CNTNAP2: variants seen among roughly 807,000 people sequenced by gnomAD.
The protein encoded by CNTNAP2 is contactin associated protein 2, also known as contactin-associated protein-like 2.
Under a neutral mutation model 155.2 loss-of-function variants are expected in CNTNAP2, and 98 were observed. The observed-to-expected ratio is 0.63, with a 90% confidence interval of 0.54 to 0.75. CNTNAP2 has a LOEUF of 0.75. CNTNAP2 is among the 30% of genes least tolerant of loss of function. The pLI, the probability that CNTNAP2 is intolerant of heterozygous loss-of-function variation, is 0.00. For synonymous variants in CNTNAP2, 651 were observed against 631.2 expected (o/e 1.03, Z -0.47); for missense variants, 1,727 against 1,688.1 (o/e 1.02, Z -0.40).
chr7:147,648,488 A>T (rs1454600051), intron 13 of CNTNAP2, among the ~76,000 whole-genome samples: 1 of 152,252 alleles, frequency 6.6e-6, no homozygotes, highest in Non-Finnish European at 1.5e-5. Flanking sequence ...GCTGATAAAG[A>T]CATACCTGAG....
At chr7:147,724,317 G>A (rs559458797) in intron 13 of CNTNAP2, among the ~76,000 whole-genome samples, 6 of 152,062 alleles carry the variant, frequency 3.9e-5, no homozygotes, top group South Asian at 2.1e-4. Context: ...GAGTCCTAGA[G>A]GAATTATTAG....
At chr7:146,252,669 G>A (rs891257864) in intron 1 of CNTNAP2, among the ~76,000 whole-genome samples, 5 of 152,062 alleles carry the variant, frequency 3.3e-5, no homozygotes, top group Admixed American at 6.6e-5. Flanking sequence ...CAAAATATTC[G>A]CCCCTTTTCA....
In CNTNAP2 at chr7:146,433,072, C is replaced by T. The variant is rs536407480; in HGVS notation, c.97+316099C>T. On this transcript the variant is annotated intron_variant, in intron 1 of 23. Transcript: ENST00000361727. ...TCCTCCTAAACTAAGAAGTGTCTCG[C>T]ATTTCCAAACCGTCAGTACTCTATT... is the stretch of plus-strand genomic sequence containing the variant. 1.9e-3 allele frequency among the ~76,000 whole-genome samples: 284 copies of T among 152,250 alleles called. 1 individual carries two copies. The highest frequency in any genetic ancestry group is 6.5e-3 in the African/African-American group (271 of 41,536).
chr7:146,631,950 T>C (rs931344313), intron 1 of CNTNAP2, among the ~76,000 whole-genome samples: 10 of 84,000 alleles, frequency 1.2e-4, no homozygotes, highest in African/African-American at 7.3e-4. Flanking sequence ...TAAAATTTAC[T>C]TTTTAAGATA....
intron 10 of CNTNAP2, among the ~76,000 whole-genome samples, chr7:147,408,234 A>G (rs1459470732): frequency 6.6e-6 from 1 of 152,228 alleles, no homozygotes; most frequent in Non-Finnish European, 1.5e-5. Context: ...AAATCAAAGT[A>G]TGCACAAGGG....
At chr7:147,863,622 C>A (rs980561644) in intron 13 of CNTNAP2, among the ~76,000 whole-genome samples, 15 of 152,158 alleles carry the variant, frequency 9.9e-5, no homozygotes, top group Admixed American at 5.9e-4. Flanking sequence ...GATCACCATT[C>A]TAACTGGTGT....
At chr7:147,949,297 C>G (rs932392995) in intron 14 of CNTNAP2, among the ~76,000 whole-genome samples, 2 of 151,768 alleles carry the variant, frequency 1.3e-5, no homozygotes, top group African/African-American at 4.8e-5. Context: ...AAGTCTTCAT[C>G]CTTCCTGTCT....
intron 1 of CNTNAP2, among the ~76,000 whole-genome samples, chr7:146,664,157 CTTTTTTTTTTTTT>C (rs35241151): frequency 1.5e-5 from 1 of 68,454 alleles, no homozygotes; most frequent in East Asian, 4.2e-4. Context: ...CAATAAATTC[CTTTTTTTTTTTTT>C]TTTTTTTTTT....
At chr7:147,030,382 AGATG>A (rs1799006577) in intron 3 of CNTNAP2, among the ~76,000 whole-genome samples, 1 of 152,222 alleles carries the variant, frequency 6.6e-6, no homozygotes, top group Non-Finnish European at 1.5e-5. Context: ...ATTTTATTTA[AGATG>A]AGCCTTGAAA....
At chr7:146,714,897 G>A (rs1801160367) in intron 1 of CNTNAP2, among the ~76,000 whole-genome samples, 1 of 152,174 alleles carries the variant, frequency 6.6e-6, no homozygotes, top group Admixed American at 6.5e-5. Context: ...TGGGTTACCA[G>A]AGGTTAGGCG....
At chr7:146,876,018 C>T (rs1349204464) in intron 3 of CNTNAP2, among the ~76,000 whole-genome samples, 1 of 149,390 alleles carries the variant, frequency 6.7e-6, no homozygotes, top group Non-Finnish European at 1.5e-5. Flanking sequence ...GCAGGAGTTG[C>T]AGTACAGCTC....
intron 13 of CNTNAP2, among the ~76,000 whole-genome samples, chr7:147,650,084 C>T (rs984706639): frequency 2.0e-5 from 3 of 151,798 alleles, no homozygotes; most frequent in Non-Finnish European, 4.4e-5. Context: ...TAATTTTTTC[C>T]AGTTCATATA....
At chr7:147,847,856 G>C (rs1056756007) in intron 13 of CNTNAP2, among the ~76,000 whole-genome samples, 1 of 103,952 alleles carries the variant, frequency 9.6e-6, no homozygotes, top group Non-Finnish European at 1.9e-5. Flanking sequence ...ATACCCTGCC[G>C]TGTGAGGTGT....
At chr7:147,644,064 C>G (rs1362809243) in intron 13 of CNTNAP2, among the ~76,000 whole-genome samples, 2 of 152,084 alleles carry the variant, frequency 1.3e-5, no homozygotes, top group African/African-American at 4.8e-5. Context: ...TTCAGTTGTC[C>G]TCAGCTTTAC....
At chr7:148,252,678 A>G (rs1332745441) in intron 20 of CNTNAP2, among the ~76,000 whole-genome samples, 2 of 152,150 alleles carry the variant, frequency 1.3e-5, no homozygotes, top group Admixed American at 1.3e-4. Context: ...CCATCCTTCT[A>G]TAGAGGCTTC....
At chr7:146,485,493 A>C (rs1031000963) in intron 1 of CNTNAP2, among the ~76,000 whole-genome samples, 3 of 152,214 alleles carry the variant, frequency 2.0e-5, no homozygotes, top group Non-Finnish European at 2.9e-5. Context: ...GTAGAATTGG[A>C]TTTGACCCAG....
chr7:147,485,790 A>T, intron 10 of CNTNAP2, 145 bp from the exon 11 acceptor site: 1 of 771,944 alleles, frequency 1.3e-6, no homozygotes, highest in Non-Finnish European at 2.3e-6. Flanking sequence ...GAATCATATT[A>T]ATCTGCTTAA....
intron 13 of CNTNAP2, among the ~76,000 whole-genome samples, chr7:147,796,581 T>TAAA (rs777414793): frequency 1.1e-5 from 1 of 87,302 alleles, no homozygotes; most frequent in African/African-American, 5.2e-5. Flanking sequence ...CCAGGATTTA[T>TAAA]TAAAAAAAAA....
chr7:147,488,554 TTA>T (rs746950216), intron 11 of CNTNAP2, among the ~76,000 whole-genome samples: 19 of 123,584 alleles, frequency 1.5e-4, no homozygotes, highest in East Asian at 7.5e-4. Flanking sequence ...GTATTTTTTT[TTA>T]AAAAAAGCAG....
Sources: allele counts gnomAD v4.1 joint callset (sites outside exome capture counted in the v4.1 genomes callset), GRCh38; gene constraint gnomAD v4.1.1; transcripts MANE v1.5; gene names NCBI Gene and HGNC (gene_info 2026-07-23, HGNC 2026-07-21).